VAV3: variants seen among roughly 807,000 people sequenced by gnomAD.
VAV3 encodes vav guanine nucleotide exchange factor 3, also known as guanine nucleotide exchange factor VAV3.
In VAV3, 94 loss-of-function variants were observed where a neutral mutation model predicts 131.2. The observed-to-expected ratio is 0.72, with a 90% CI of 0.61 to 0.85. The LOEUF is 0.85. VAV3 is among the 40% of genes least tolerant of loss of function. VAV3 has a pLI of 0.00. For missense variants in VAV3, 939 were observed against 1,002.7 expected (o/e 0.94, Z 0.86); for synonymous variants, 349 against 342.0 (o/e 1.02, Z -0.22).
At chr1:107,801,412 T>C (rs1050401736) in intron 2 of VAV3, among the ~76,000 whole-genome samples, 1 of 152,188 alleles carries the variant, frequency 6.6e-6, no homozygotes, top group Non-Finnish European at 1.5e-5. Context: ...CACTGTCATT[T>C]GAACTGTTAA....
intron 15 of VAV3, among the ~76,000 whole-genome samples, chr1:107,715,537 A>T (rs1661042731): frequency 6.6e-6 from 1 of 152,210 alleles, no homozygotes; most frequent in Non-Finnish European, 1.5e-5. Flanking sequence ...CAACAAATTA[A>T]TTGAGTGCCT....
intron 15 of VAV3, among the ~76,000 whole-genome samples, chr1:107,726,023 G>A (rs1570836085): frequency 1.3e-5 from 2 of 151,916 alleles, no homozygotes; most frequent in East Asian, 3.8e-4. Context: ...TTAGGTTATT[G>A]CTAGACCAAA....
chr1:107,648,168 A>T (rs1432798575), intron 19 of VAV3, among the ~76,000 whole-genome samples: 2 of 152,088 alleles, frequency 1.3e-5, no homozygotes, highest in Non-Finnish European at 2.9e-5. Context: ...TTATTTTTAT[A>T]AACAATGATG....
intron 18 of VAV3, chr1:107,686,040 G>GGA (rs1231521776): frequency 5.6e-5 from 7 of 126,020 alleles, no homozygotes; most frequent in African/African-American, 1.7e-4. Flanking sequence ...GGGGTGGGGG[G>GGA]GGAGGGGGGG....
intron 25 of VAV3, among the ~76,000 whole-genome samples, chr1:107,584,931 T>C (rs539416670): frequency 6.6e-6 from 1 of 152,336 alleles, no homozygotes; most frequent in South Asian, 2.1e-4. Flanking sequence ...ATTATATTGC[T>C]AATGTGCCAA....
In VAV3 at chr1:107,642,758, G is replaced by A. The variant is rs751230316; in HGVS notation, c.1778-3C>T. ...AATGACCTGCATCTTTGGTAAACCTGAAAATAAGCCAAACAAGTTTTAGAA... is the reference window on the plus strand; with the variant it reads ...AATGACCTGCATCTTTGGTAAACCTAAAAATAAGCCAAACAAGTTTTAGAA... On this transcript the variant is annotated splice_polypyrimidine_tract_variant and splice_region_variant and intron_variant, in intron 19 of 26. Coordinates refer to ENST00000370056, the MANE Select transcript of VAV3 (RefSeq NM_006113.5). 4.3e-6 allele frequency: 7 copies of A among 1,613,102 alleles called. No individual in the cohort carries two copies. In the Admixed American group the frequency reaches 8.3e-5, roughly 19 times the overall value.
At chr1:107,590,216 T>C (rs1026400686) in intron 25 of VAV3, among the ~76,000 whole-genome samples, 2 of 141,706 alleles carry the variant, frequency 1.4e-5, no homozygotes, top group East Asian at 2.1e-4. Flanking sequence ...GAAAGGAACA[T>C]GCTGATCTAC....
At chr1:107,792,657 G>A (rs1218252495) in intron 2 of VAV3, among the ~76,000 whole-genome samples, 1 of 152,208 alleles carries the variant, frequency 6.6e-6, no homozygotes, top group African/African-American at 2.4e-5. Context: ...AAATTACCAT[G>A]ATCTCAGTTA....
chr1:107,659,141 G>A (rs1326390614), intron 19 of VAV3, among the ~76,000 whole-genome samples: 1 of 152,016 alleles, frequency 6.6e-6, no homozygotes, highest in African/African-American at 2.4e-5. Flanking sequence ...GTGTAAGGAA[G>A]GGATCCAGTT....
intron 2 of VAV3, chr1:107,820,942 A>C (rs1218337781): frequency 6.6e-6 from 1 of 152,218 alleles, no homozygotes; most frequent in Non-Finnish European, 1.5e-5. Flanking sequence ...CTAATGACCT[A>C]GATGACTGAA....
intron 23 of VAV3, 84 bp from the exon 24 acceptor site, chr1:107,602,568 CATTTTAGGA>C (rs1651949110): frequency 9.3e-6 from 10 of 1,077,046 alleles, no homozygotes; most frequent in Non-Finnish European, 1.3e-5. Context: ...GCCCCAATAA[CATTTTAGGA>C]ATTAATTCTG....
intron 1 of VAV3, among the ~76,000 whole-genome samples, chr1:107,906,538 C>A (rs1462830249): frequency 1.3e-5 from 2 of 152,018 alleles, no homozygotes; most frequent in Non-Finnish European, 2.9e-5. Flanking sequence ...TGGTGGCAGG[C>A]ACCTGTAGTC....
intron 18 of VAV3, among the ~76,000 whole-genome samples, chr1:107,684,959 G>A (rs1481550468): frequency 1.3e-5 from 2 of 152,122 alleles, no homozygotes; most frequent in South Asian, 4.1e-4. Context: ...TTTAATGATG[G>A]GCAACTTGCT....
At chr1:107,702,788 C>T (rs2494066) in intron 17 of VAV3, among the ~76,000 whole-genome samples, 52,849 of 147,354 alleles carry the variant, frequency 0.36, 10,225 homozygotes, top group African/African-American at 0.54. Flanking sequence ...AATAAGCCCA[C>T]GTCTTTCAAA....
At chr1:107,734,060 AT>A (rs1200340203) in intron 15 of VAV3, among the ~76,000 whole-genome samples, 2 of 152,228 alleles carry the variant, frequency 1.3e-5, no homozygotes, top group African/African-American at 4.8e-5. Flanking sequence ...AATATTCAAC[AT>A]TTTTAAAGAA....
Position 107,760,768 on chromosome 1 carries a change from G to T in VAV3, c.1017+16C>A. 1 of 1,587,828 alleles carries T rather than the reference G, an allele frequency of 6.3e-7. No individual in the cohort carries two copies. The highest frequency in any genetic ancestry group is 1.1e-5 in the South Asian group (1 of 90,128). ...TGAATAAATGGACAATAAATAAACT[G>T]TTTTAAGTTACATACCTGGAGGAGA... On this transcript the variant is annotated intron_variant, in intron 10 of 26. Coordinates refer to ENST00000370056, the MANE Select transcript of VAV3 (RefSeq NM_006113.5).
At chr1:107,850,877 T>C (rs1397300118) in intron 2 of VAV3, among the ~76,000 whole-genome samples, 1 of 152,150 alleles carries the variant, frequency 6.6e-6, no homozygotes, top group Non-Finnish European at 1.5e-5. Flanking sequence ...TATATATATT[T>C]CCTTTCGTAT....
At chr1:107,609,836 A>G (rs1652582583) in intron 22 of VAV3, 95 bp downstream of exon 22, 4 of 1,255,366 alleles carry the variant, frequency 3.2e-6, no homozygotes, top group Non-Finnish European at 4.6e-6. Context: ...AGACAAATGG[A>G]AATGGAATAT....
chr1:107,605,399 C>T (rs1038131149), intron 22 of VAV3, among the ~76,000 whole-genome samples: 4 of 152,150 alleles, frequency 2.6e-5, no homozygotes, highest in Non-Finnish European at 5.9e-5. Flanking sequence ...CTCTCTCTGT[C>T]TCTCCCACTG....
Sources: allele counts gnomAD v4.1 joint callset (sites outside exome capture counted in the v4.1 genomes callset), GRCh38; gene constraint gnomAD v4.1.1; transcripts MANE v1.5; gene names NCBI Gene and HGNC (gene_info 2026-07-23, HGNC 2026-07-21).